The following IMMP2L variants were observed in gnomAD, a reference collection of about 807,000 sequenced individuals.
The protein encoded by IMMP2L is mitochondrial inner membrane protease subunit 2.
Under a neutral mutation model 19.3 loss-of-function variants are expected in IMMP2L, and 18 were observed. The observed-to-expected ratio is 0.93, with a 90% CI of 0.64 to 1.38. The LOEUF (loss-of-function observed/expected upper bound fraction) is 1.38. Ranked by LOEUF, IMMP2L falls within the 40% of genes most tolerant of loss-of-function variation. The probability of loss-of-function intolerance (pLI) is 0.00; values close to 1 mark genes in which losing one functional copy is unlikely to be tolerated. For synonymous variants in IMMP2L, 76 were observed against 73.0 expected (o/e 1.04, Z -0.21); for missense variants, 233 against 218.2 (o/e 1.07, Z -0.43).
intron 3 of IMMP2L, among the ~76,000 whole-genome samples, chr7:111,138,235 T>C (rs1172629480): frequency 6.6e-6 from 1 of 152,126 alleles, no homozygotes; most frequent in East Asian, 1.9e-4. Context: ...TTGCCTAGAG[T>C]AATCTTGATG....
intron 5 of IMMP2L, among the ~76,000 whole-genome samples, chr7:110,764,121 T>A (rs1028576642): frequency 6.6e-6 from 1 of 152,110 alleles, no homozygotes; most frequent in Admixed American, 6.6e-5. Context: ...CTGACTTGAA[T>A]ACAAGGTAAC....
Position 111,306,350 on chromosome 7 carries a change from G to T in IMMP2L, c.239+180888C>A, listed in dbSNP as rs116534826. 3.5e-3 allele frequency among the ~76,000 whole-genome samples: 530 copies of T among 152,178 alleles called. 4 individuals carry two copies. Among genetic ancestry groups the T allele is most frequent in the African/African-American group, 0.012 (501 of 41,540 alleles). On this transcript the variant is annotated intron_variant, in intron 3 of 5. Transcript: ENST00000405709. ...CAATGTCAATTCAACTGTAACAAATGTACCAGTTTGGTGGGGGATACTGAT... is the reference window on the plus strand; with the variant it reads ...CAATGTCAATTCAACTGTAACAAATTTACCAGTTTGGTGGGGGATACTGAT...
chr7:110,937,698 G>C (rs998981145), intron 4 of IMMP2L, among the ~76,000 whole-genome samples: 2 of 152,156 alleles, frequency 1.3e-5, no homozygotes, highest in Non-Finnish European at 2.9e-5. Context: ...AGCCAGCTAA[G>C]CTTGGCTTAT....
chr7:111,371,574 T>C (rs1830267804), intron 3 of IMMP2L, among the ~76,000 whole-genome samples: 1 of 152,160 alleles, frequency 6.6e-6, no homozygotes, highest in East Asian at 1.9e-4. Context: ...AAGAAAGACA[T>C]GCAAGTACTT....
chr7:110,882,318 TTCC>T (rs776542149), intron 5 of IMMP2L, among the ~76,000 whole-genome samples: 2 of 111,672 alleles, frequency 1.8e-5, no homozygotes, highest in African/African-American at 2.8e-5. Context: ...CCTTCCTTCC[TTCC>T]TTCCTTCCTT....
chr7:111,114,206 A>G (rs1291867252), intron 3 of IMMP2L, among the ~76,000 whole-genome samples: 1 of 152,032 alleles, frequency 6.6e-6, no homozygotes, highest in African/African-American at 2.4e-5. Context: ...GTGTATATAA[A>G]TTACTCCTGA....
chr7:110,680,871 G>C (rs1427639506), intron 5 of IMMP2L, among the ~76,000 whole-genome samples: 1 of 152,258 alleles, frequency 6.6e-6, no homozygotes, highest in African/African-American at 2.4e-5. Context: ...GCAGAGACAT[G>C]AGTGCCAGAA....
intron 3 of IMMP2L, among the ~76,000 whole-genome samples, chr7:111,252,941 GTATC>G (rs1418691897): frequency 3.3e-5 from 5 of 152,018 alleles, no homozygotes; most frequent in African/African-American, 7.2e-5. Flanking sequence ...GACTCTGTTT[GTATC>G]TATATCAAAT....
At chr7:110,939,015 T>G (rs1816418895) in intron 4 of IMMP2L, among the ~76,000 whole-genome samples, 1 of 152,190 alleles carries the variant, frequency 6.6e-6, no homozygotes, top group Non-Finnish European at 1.5e-5. Flanking sequence ...TATTTGCCAC[T>G]GAGAAGCTAA....
chr7:111,506,985 G>A (rs546670336), intron 2 of IMMP2L, among the ~76,000 whole-genome samples: 2 of 152,194 alleles, frequency 1.3e-5, no homozygotes, highest in South Asian at 4.2e-4. Context: ...GGGACTACAG[G>A]CGCATGCCAC....
chr7:111,249,341 C>A (rs954130494), intron 3 of IMMP2L, among the ~76,000 whole-genome samples: 2 of 142,066 alleles, frequency 1.4e-5, no homozygotes, highest in South Asian at 2.5e-4. Flanking sequence ...TGACCCCTTG[C>A]GCTTCCCAGG....
chr7:111,552,100 T>C (rs1375447225), intron 1 of IMMP2L, among the ~76,000 whole-genome samples: 1 of 152,030 alleles, frequency 6.6e-6, no homozygotes, highest in Non-Finnish European at 1.5e-5. Context: ...GTGAGAAACT[T>C]GAAAAAGGCT....
chr7:111,540,454 C>T (rs537853923), intron 1 of IMMP2L, among the ~76,000 whole-genome samples: 4 of 152,206 alleles, frequency 2.6e-5, no homozygotes, highest in Non-Finnish European at 5.9e-5. Flanking sequence ...GAATCCAAAA[C>T]CTTTACAGCT....
chr7:110,729,208 T>C (rs778294145), intron 5 of IMMP2L, among the ~76,000 whole-genome samples: 12 of 152,240 alleles, frequency 7.9e-5, no homozygotes, highest in South Asian at 2.1e-4. Flanking sequence ...TACACTGCCA[T>C]AAAGATACTA....
At chr7:110,805,292 A>C (rs1801548411) in intron 5 of IMMP2L, among the ~76,000 whole-genome samples, 1 of 152,120 alleles carries the variant, frequency 6.6e-6, no homozygotes, top group South Asian at 2.1e-4. Context: ...CCACAGTACA[A>C]GTCAGTGCTA....
chr7:110,813,997 A>AT (rs1046281481), intron 5 of IMMP2L, among the ~76,000 whole-genome samples: 2 of 151,962 alleles, frequency 1.3e-5, no homozygotes, highest in African/African-American at 4.8e-5. Context: ...AACACAGGCT[A>AT]TTTTTTTAAC....
intron 1 of IMMP2L, among the ~76,000 whole-genome samples, chr7:111,541,504 T>G (rs2132968237): frequency 6.6e-6 from 1 of 152,264 alleles, no homozygotes; most frequent in Admixed American, 6.5e-5. Flanking sequence ...ACTAAATTAT[T>G]TTTATACTGG....
chr7:110,943,174 A>G (rs1816904523), intron 4 of IMMP2L, among the ~76,000 whole-genome samples: 1 of 152,006 alleles, frequency 6.6e-6, no homozygotes, highest in Non-Finnish European at 1.5e-5. Context: ...CAATGCTGGC[A>G]TGACTACTGT....
intron 4 of IMMP2L, among the ~76,000 whole-genome samples, chr7:110,920,768 C>G (rs1436204089): frequency 6.6e-6 from 1 of 152,132 alleles, no homozygotes; most frequent in Admixed American, 6.6e-5. Flanking sequence ...CAGTAACTGG[C>G]AGGAATTTTT....
Sources: allele counts gnomAD v4.1 joint callset (sites outside exome capture counted in the v4.1 genomes callset), GRCh38; gene constraint gnomAD v4.1.1; transcripts MANE v1.5; gene names NCBI Gene and HGNC (gene_info 2026-07-23, HGNC 2026-07-21).